The following TEX2 variants were observed in gnomAD, a reference collection of about 807,000 sequenced individuals.
TEX2 encodes testis expressed 2, also known as testis-expressed protein 2.
In TEX2, 53 loss-of-function variants were observed where a neutral mutation model predicts 106.9. That is an observed-to-expected ratio of 0.50 (90% confidence interval 0.40 to 0.62). TEX2 has a LOEUF of 0.62. Ranked by LOEUF, TEX2 falls within the 20% of genes least tolerant of loss-of-function variation. The pLI, the probability that TEX2 is intolerant of heterozygous loss-of-function variation, is 0.00. For synonymous variants in TEX2, 523 were observed against 534.8 expected, an observed-to-expected ratio of 0.98 and a Z score of 0.30; for missense variants, 1,207 against 1,379.0, an observed-to-expected ratio of 0.88 and a Z score of 1.98.
intron 1 of TEX2, among the ~76,000 whole-genome samples, chr17:64,240,857 T>G (rs1341657386): frequency 6.6e-6 from 1 of 152,174 alleles, no homozygotes; most frequent in Non-Finnish European, 1.5e-5. Context: ...CACTGATTAT[T>G]AATGTACTCT....
chr17:64,257,879 C>T (rs996623135), intron 1 of TEX2, among the ~76,000 whole-genome samples: 4 of 151,302 alleles, frequency 2.6e-5, no homozygotes, highest in South Asian at 4.2e-4. Flanking sequence ...CTTCTATCTC[C>T]GAAAATTGTG....
intron 5 of TEX2, among the ~76,000 whole-genome samples, chr17:64,177,682 TTGTC>T (rs2031670499): frequency 2.0e-5 from 3 of 152,180 alleles, no homozygotes; most frequent in Non-Finnish European, 2.9e-5. Flanking sequence ...AACCTTCTCT[TTGTC>T]TGTTTTCTTT....
At chr17:64,171,039 G>T in intron 7 of TEX2, 61 bp downstream of exon 7, 1 of 1,334,600 alleles carries the variant, frequency 7.5e-7, no homozygotes, top group Non-Finnish European at 1.1e-6. Context: ...AGCCATCATG[G>T]TACTGAATCT....
At chr17:64,165,586 C>G (rs1479609894) in intron 7 of TEX2, among the ~76,000 whole-genome samples, 1 of 152,250 alleles carries the variant, frequency 6.6e-6, no homozygotes, top group Non-Finnish European at 1.5e-5. Context: ...CCTCTGATGT[C>G]ACTCTTGAAG....
intron 1 of TEX2, among the ~76,000 whole-genome samples, chr17:64,256,451 C>G (rs899625811): frequency 6.6e-6 from 1 of 152,148 alleles, no homozygotes; most frequent in Non-Finnish European, 1.5e-5. Context: ...ACCTTCTGAG[C>G]CTGCCCTTCC....
chr17:64,220,734 T>A (rs1328190055), intron 1 of TEX2, among the ~76,000 whole-genome samples: 3 of 152,126 alleles, frequency 2.0e-5, no homozygotes, highest in African/African-American at 7.2e-5. Context: ...GAAATAGGAA[T>A]GCTTTTACAC....
In TEX2 at chr17:64,256,913, GA is replaced by G. The variant is rs1456206041; in HGVS notation, c.-26+6254del. Among the ~76,000 whole-genome samples, 9 of 152,222 alleles carry G rather than the reference GA, an allele frequency of 5.9e-5. 1 individual carries two copies. Among genetic ancestry groups the G allele is most frequent in the African/African-American group, 2.2e-4 (9 of 41,452 alleles). On this transcript the variant is annotated intron_variant, in intron 1 of 11. Coordinates refer to ENST00000584379, the MANE Select transcript of TEX2 (RefSeq NM_001288732.2). ...ACAGCATGAGGTCCAAGAAAGGACTGAAAATTGAATAAGAAAACAAGCCAGC... is the reference window on the plus strand; with the variant it reads ...ACAGCATGAGGTCCAAGAAAGGACTGAAATTGAATAAGAAAACAAGCCAGC...
chr17:64,246,985 G>A (rs549607639), intron 1 of TEX2, among the ~76,000 whole-genome samples: 79 of 152,258 alleles, frequency 5.2e-4, no homozygotes, highest in African/African-American at 1.9e-3. Context: ...TAAAGAAGGC[G>A]GCAGCTGGGC....
chr17:64,258,293 T>C (rs1293017462), intron 1 of TEX2, among the ~76,000 whole-genome samples: 1 of 152,172 alleles, frequency 6.6e-6, no homozygotes, highest in African/African-American at 2.4e-5. Context: ...TAGGTATACA[T>C]GCATAGGAAA....
intron 1 of TEX2, among the ~76,000 whole-genome samples, chr17:64,226,488 C>G (rs1244735982): frequency 3.3e-5 from 5 of 152,168 alleles, no homozygotes; most frequent in Non-Finnish European, 5.9e-5. Flanking sequence ...TGCATTCCAC[C>G]TGGCAGAGTA....
chr17:64,252,083 C>T (rs1464454029), intron 1 of TEX2, among the ~76,000 whole-genome samples: 2 of 152,252 alleles, frequency 1.3e-5, no homozygotes, highest in Non-Finnish European at 2.9e-5. Context: ...TCTCCTGAGG[C>T]TGGGTGCAGA....
At chr17:64,208,028 C>T (rs1185368379) in intron 2 of TEX2, among the ~76,000 whole-genome samples, 2 of 152,174 alleles carry the variant, frequency 1.3e-5, no homozygotes, top group African/African-American at 4.8e-5. Flanking sequence ...GCCACCACAC[C>T]CGGCCAGTAT....
At chr17:64,261,760 A>G (rs1487786520) in intron 1 of TEX2, among the ~76,000 whole-genome samples, 3 of 152,074 alleles carry the variant, frequency 2.0e-5, no homozygotes, top group African/African-American at 7.2e-5. Context: ...GCAAAATCCC[A>G]CTCTATCCAC....
At chr17:64,198,372 G>A (rs2032545645) in intron 2 of TEX2, among the ~76,000 whole-genome samples, 1 of 150,946 alleles carries the variant, frequency 6.6e-6, no homozygotes, top group South Asian at 2.1e-4. Flanking sequence ...ACTTGAAGCA[G>A]ATATAATCGT....
Position 64,217,228 on chromosome 17 carries a change from T to G in TEX2, c.-25-2986A>C, listed in dbSNP as rs1390605887. On this transcript the variant is annotated intron_variant, in intron 1 of 11. Transcript: ENST00000584379. This position sits in a 1 kb window ranked among gnomAD's most constrained non-coding sequence, Gnocchi z 4.3. ...CAACCTATCAAGTGGTCACTGCCTC[T>G]GCCTCCTCCTGGGGACCACTTCAAG... Among the ~76,000 whole-genome samples, 1 of 152,178 alleles carries G rather than the reference T, an allele frequency of 6.6e-6. No homozygotes were observed. Among genetic ancestry groups the G allele is most frequent in the South Asian group, 2.1e-4 (1 of 4,828 alleles).
intron 8 of TEX2, among the ~76,000 whole-genome samples, chr17:64,156,448 G>A (rs951232880): frequency 6.6e-6 from 1 of 152,178 alleles, no homozygotes; most frequent in East Asian, 1.9e-4. Flanking sequence ...GCACGTAACT[G>A]AGTCTTCCTC....
chr17:64,253,271 T>C (rs2034125239), intron 1 of TEX2, among the ~76,000 whole-genome samples: 1 of 151,952 alleles, frequency 6.6e-6, no homozygotes, highest in Non-Finnish European at 1.5e-5. Context: ...CCCGAGTAAT[T>C]GGGACCACAG....
chr17:64,168,530 G>A (rs567852979), intron 7 of TEX2, among the ~76,000 whole-genome samples: 48 of 152,254 alleles, frequency 3.2e-4, no homozygotes, highest in African/African-American at 1.0e-3. Context: ...TGACACTTAG[G>A]TGTTTGGTGA....
At chr17:64,203,524 T>C (rs1232725851) in intron 2 of TEX2, among the ~76,000 whole-genome samples, 1 of 152,180 alleles carries the variant, frequency 6.6e-6, no homozygotes, top group African/African-American at 2.4e-5. Flanking sequence ...AGGACCAGCA[T>C]CATCAGTATC....
Sources: gnomAD v4.1 joint callset for allele counts (sites outside exome capture counted in the v4.1 genomes callset) on GRCh38, gnomAD v4.1.1 for gene constraint, Gnocchi (gnomAD v3.1) non-coding constraint, MANE v1.5 for transcripts, NCBI Gene and HGNC (gene_info 2026-07-23, HGNC 2026-07-21) for gene names.